Variants in STXBP2 observed in about 807,000 individuals in gnomAD.
STXBP2 encodes the protein syntaxin-binding protein 2.
In STXBP2, 47 loss-of-function variants were observed where a neutral mutation model predicts 72.2. The observed-to-expected ratio is 0.65, with a 90% confidence interval of 0.51 to 0.83. The LOEUF is 0.83. Among genes scored for constraint, STXBP2 ranks in the 40% least tolerant of loss-of-function variants. The pLI is 0.00. For synonymous variants in STXBP2, 367 were observed against 338.7 expected (o/e 1.08, Z -0.92); for missense variants, 702 against 807.6 (o/e 0.87, Z 1.58).
At chr19:7,645,364 C>A (rs2032092666) in intron 15 of STXBP2, 58 bp downstream of exon 15, 1 of 1,496,528 alleles carries the variant, frequency 6.7e-7, no homozygotes. Flanking sequence ...ACAGCCGGGG[C>A]TCTGCAAGGC....
Position 7,642,410 on chromosome 19 carries a change from C to G in STXBP2, c.795-19C>G, listed in dbSNP as rs777370766. ...GTCCTCAGCTCCCCTGACCCCCAGG[C>G]TCCCTCCTTCCTCCCCAGGTATGAG... On this transcript the variant is annotated intron_variant, in intron 9 of 18. Transcript: ENST00000221283. The surrounding 1 kb of genome is among the most constrained non-coding windows in gnomAD (Gnocchi z 6.0). 6 of 1,613,718 alleles carry G rather than the reference C, an allele frequency of 3.7e-6. No individual in the cohort carries two copies. In the East Asian group the frequency reaches 1.3e-4, roughly 36 times the overall value.
chr19:7,632,373 A>G (rs754400088), upstream of STXBP2: 6 of 1,613,320 alleles, frequency 3.7e-6, no homozygotes, highest in Admixed American at 1.7e-5. This position sits in a 1 kb window ranked among gnomAD's most constrained non-coding sequence, Gnocchi z 5.2. Flanking sequence ...TCTCCTCGAC[A>G]TCGCCAGAAC....
chr19:7,640,256 G>C (rs903203006), intron 4 of STXBP2: 16 of 549,486 alleles, frequency 2.9e-5, no homozygotes, highest in Non-Finnish European at 4.9e-5. Flanking sequence ...GTGTGTGCAT[G>C]TGTGTATGCG....
intron 1 of STXBP2, among the ~76,000 whole-genome samples, chr19:7,637,531 C>T (rs984404516): frequency 4.6e-5 from 7 of 151,922 alleles, no homozygotes; most frequent in East Asian, 1.9e-4. Context: ...TTAAGCCGGG[C>T]AAAGTTCAGG....
At chr19:7,630,737 T>C in the STXBP2 span, 6 of 1,532,624 alleles carry the variant, frequency 3.9e-6, no homozygotes, top group Admixed American at 2.0e-5. Context: ...TGGGGACTAA[T>C]GTCTGCCTCC....
At chr19:7,638,702 A>G in intron 1 of STXBP2, 24 bp from the exon 2 acceptor site, 1 of 1,612,550 alleles carries the variant, frequency 6.2e-7, no homozygotes, top group Non-Finnish European at 8.5e-7. Flanking sequence ...CAGCATTCTG[A>G]CCCCTCCCCT....
At position 7,647,766 on chromosome 19, in the gene STXBP2, C is replaced by T; in HGVS notation, c.1738C>T (p.Leu580=). Residue 580 remains leucine (L), a synonymous_variant, in exon 19 of 19, where the codon CTG becomes TTG. Coordinates refer to ENST00000221283, the MANE Select transcript of STXBP2 (RefSeq NM_006949.4). ...CACCCCGACCCGCTTCCTGGATGAC[C>T]TGAAGGCACTGGACAAGAAGCTGGA... ...ILTPTRFLDD[L]KALDKKLEDI... 6.2e-7 allele frequency: 1 copy of T among 1,614,114 alleles called. No individual in the cohort carries two copies. The highest frequency in any genetic ancestry group is 8.5e-7 in the Non-Finnish European group (1 of 1,180,008).
At chr19:7,631,410 G>GT in the STXBP2 span, 1 of 821,212 alleles carries the variant, frequency 1.2e-6, no homozygotes. Context: ...GGGGGGGGGT[G>GT]GTCCCGGCTC....
intron 3 of STXBP2, chr19:7,639,492 C>T (rs541583407): frequency 1.5e-5 from 9 of 597,140 alleles, no homozygotes; most frequent in Middle Eastern, 9.0e-4. Context: ...CTGAGGGAGC[C>T]TGTCCTCTCA....
In STXBP2 at chr19:7,644,877, A is replaced by G. The variant is rs764949104; in HGVS notation, c.1246+125A>G. On this transcript the variant is annotated intron_variant, in intron 14 of 18. Coordinates refer to ENST00000221283, the MANE Select transcript of STXBP2 (RefSeq NM_006949.4). ...ACTCACCGGGCTCACCAACCCCCACAGCTACCCCTCTGGACCCGGGAACCC... is the reference window on the plus strand; with the variant it reads ...ACTCACCGGGCTCACCAACCCCCACGGCTACCCCTCTGGACCCGGGAACCC... The G allele has an allele frequency of 6.6e-5, 101 of 1,526,318 alleles. 1 individual carries two copies. Among genetic ancestry groups the G allele is most frequent in the Non-Finnish European group, 8.7e-5 (99 of 1,136,632 alleles). 94.5% of individuals were successfully genotyped at this position (1,526,318 alleles called of 1,614,324 possible).
At position 7,647,474 on chromosome 19, in the gene STXBP2, G is replaced by A; in HGVS notation, c.1659G>A (p.Val553=). The A allele has an allele frequency of 6.2e-7, 1 of 1,610,566 alleles. No homozygotes were observed. Among genetic ancestry groups the A allele is most frequent in the African/African-American group, 1.3e-5 (1 of 74,934 alleles). The change falls in exon 18 of 19, where the codon GTG becomes GTA. Residue 553 remains valine, a synonymous_variant. Coordinates refer to ENST00000221283, the MANE Select transcript of STXBP2 (RefSeq NM_006949.4). ...AMSEMRAAYE[V]TRATEGKWEV... is the part of the protein sequence containing the mutation. ...CAGAGATGAGGGCCGCCTACGAGGTGACCAGGGCCACCGAGGGCAAGTGGG... is the reference window on the plus strand; with the variant it reads ...CAGAGATGAGGGCCGCCTACGAGGTAACCAGGGCCACCGAGGGCAAGTGGG...
In STXBP2 at chr19:7,643,188, A is replaced by G. The variant is rs762827276; in HGVS notation, c.1050A>G (p.Ala350=). 3 of 1,614,028 alleles carry G rather than the reference A, an allele frequency of 1.9e-6. No individual in the cohort carries two copies. The highest frequency in any genetic ancestry group is 2.5e-6 in the Non-Finnish European group (3 of 1,180,016). ...AGTATTCTACGCACCTGCATCTAGC[A>G]GATGATTGTATGAAGCACTTCAAGG... is the stretch of plus-strand genomic sequence containing the variant. ...LNKYSTHLHL[A]DDCMKHFKGS... is the part of the protein sequence containing the mutation. Residue 350 remains alanine, a synonymous_variant, in exon 13 of 19, where the codon GCA becomes GCG. Coordinates refer to ENST00000221283, the MANE Select transcript of STXBP2 (RefSeq NM_006949.4).
chr19:7,630,014 A>AG, the STXBP2 span: 1 of 866,292 alleles, frequency 1.2e-6, no homozygotes, highest in South Asian at 2.4e-5. Context: ...GAAATCCAGG[A>AG]GAGGGGACGC....
chr19:7,640,110 ATGTGTGTATGCG>A, intron 4 of STXBP2: 1 of 553,798 alleles, frequency 1.8e-6, no homozygotes, highest in South Asian at 1.6e-5. Context: ...GTGTCTGTGC[ATGTGTGTATGCG>A]TGTGTATGTA....
upstream of STXBP2, chr19:7,633,657 G>A (rs1282540122): frequency 8.3e-6 from 5 of 603,708 alleles, no homozygotes; most frequent in South Asian, 1.0e-4. Flanking sequence ...GCTGGATCTG[G>A]CATGGTGGGT....
At chr19:7,640,066 ATGCGTGTG>A (rs2031750013) in intron 4 of STXBP2, 3 of 604,242 alleles carry the variant, frequency 5.0e-6, no homozygotes, top group Non-Finnish European at 9.1e-6. Context: ...GTATGTGTGT[ATGCGTGTG>A]TGTCTGTGGG....
chr19:7,646,330 A>C lies in STXBP2; in HGVS notation c.1438A>C (p.Lys480Gln), dbSNP rs1157836448. 2 of 1,608,984 alleles carry C rather than the reference A, an allele frequency of 1.2e-6. No homozygotes were observed. The highest frequency in any genetic ancestry group is 1.7e-6 in the Non-Finnish European group (2 of 1,178,220). Residue 480 changes from lysine to glutamine, a missense_variant, in exon 16 of 19, where the codon AAG becomes CAG. By Grantham distance (53) the Lys-to-Gln change is moderately conservative. Transcript: ENST00000221283. ...YQLSRWTPVI[K>Q]DVMEDAVEDR... ...GCTGTCCCGCTGGACCCCGGTCATCAAGGATGTAATGGAGGTACTGGGTGG... is the reference window on the plus strand; with the variant it reads ...GCTGTCCCGCTGGACCCCGGTCATCCAGGATGTAATGGAGGTACTGGGTGG...
intron 13 of STXBP2, among the ~76,000 whole-genome samples, chr19:7,643,472 G>A (rs111459331): frequency 0.026 from 3,999 of 152,218 alleles, 150 homozygotes; most frequent in Admixed American, 0.11. Flanking sequence ...GCTTGGAGAG[G>A]TCAGACTTGG....
chr19:7,644,869 AC>A (rs752031323), intron 14 of STXBP2, 117 bp downstream of exon 14: 49 of 1,539,470 alleles, frequency 3.2e-5, no homozygotes, highest in Non-Finnish European at 4.0e-5. Context: ...GGGCTCACCA[AC>A]CCCCACAGCT....
Sources: gnomAD v4.1 joint callset for allele counts (sites outside exome capture counted in the v4.1 genomes callset) on GRCh38, gnomAD v4.1.1 for gene constraint, Gnocchi (gnomAD v3.1) non-coding constraint, MANE v1.5 for transcripts, NCBI Gene and HGNC (gene_info 2026-07-23, HGNC 2026-07-21) for gene names.